MRPL13: variants seen among roughly 807,000 people sequenced by gnomAD.
MRPL13 encodes mitochondrial ribosomal protein L13.
A neutral mutation model predicts 29.0 loss-of-function variants in MRPL13; 33 were observed. The observed-to-expected ratio is 1.14, with a 90% CI of 0.86 to 1.52. The LOEUF is 1.52. MRPL13 is among the 40% of genes most tolerant of loss of function. MRPL13 has a pLI of 0.00. For synonymous variants in MRPL13, 77 were observed against 68.4 expected, an observed-to-expected ratio of 1.13 and a Z score of -0.62; for missense variants, 227 against 216.7, an observed-to-expected ratio of 1.05 and a Z score of -0.30.
rs187808395 is a variant in MRPL13, at chr8:120,435,139, T to C, written c.152-3016A>G. ...GATGAACAAATCCACTTGCTATGTA[T>C]TACATACTTACTAATGCCATGTACC... On this transcript the variant is annotated intron_variant, in intron 2 of 6. Transcript: ENST00000306185. 4.0e-3 allele frequency among the ~76,000 whole-genome samples: 614 copies of C among 152,286 alleles called. 4 individuals carry two copies. Among genetic ancestry groups the C allele is most frequent in the African/African-American group, 0.014 (587 of 41,578 alleles).
At chr8:120,436,984 T>A (rs1343721195) in intron 2 of MRPL13, among the ~76,000 whole-genome samples, 1 of 152,162 alleles carries the variant, frequency 6.6e-6, no homozygotes, top group Non-Finnish European at 1.5e-5. Flanking sequence ...CTGCTGAATG[T>A]ATAGATACTG....
At chr8:120,429,439 A>G (rs1480837753) in intron 3 of MRPL13, among the ~76,000 whole-genome samples, 1 of 151,998 alleles carries the variant, frequency 6.6e-6, no homozygotes. Context: ...ACAAACCCCC[A>G]TGATACAAGT....
intron 5 of MRPL13, among the ~76,000 whole-genome samples, chr8:120,416,566 G>C (rs2130464653): frequency 6.6e-6 from 1 of 152,250 alleles, no homozygotes; most frequent in Non-Finnish European, 1.5e-5. Context: ...GGGGAAATGA[G>C]GGAAAGAACC....
Position 120,413,790 on chromosome 8 carries a change from T to C in MRPL13, c.515+201A>G, listed in dbSNP as rs74598635. Reference sequence around the variant, plus strand: ...GAACCTATGAACATCCTCGCACTTATCTAGCAAGGTCTTAATGCTTAAAAA... The same window carrying C: ...GAACCTATGAACATCCTCGCACTTACCTAGCAAGGTCTTAATGCTTAAAAA... On this transcript the variant is annotated intron_variant, in intron 6 of 6. Transcript: ENST00000306185. 0.019 allele frequency among the ~76,000 whole-genome samples: 2,889 copies of C among 152,248 alleles called. 93 individuals carry two copies. Among genetic ancestry groups the C allele is most frequent in the African/African-American group, 0.066 (2,761 of 41,534 alleles).
At position 120,414,191 on chromosome 8, in the gene MRPL13, T is replaced by A. The variant is rs1182871412; in HGVS notation, c.394-79A>T. On this transcript the variant is annotated intron_variant, in intron 5 of 6. Coordinates refer to ENST00000306185, the MANE Select transcript of MRPL13 (RefSeq NM_014078.6). ...TAAATTACTAATACTTCATAAGTGTTAAAAAAATAAGCAAAAGAATGCTCG... is the reference window on the plus strand; with the variant it reads ...TAAATTACTAATACTTCATAAGTGTAAAAAAAATAAGCAAAAGAATGCTCG... 42 of 800,762 alleles carry A rather than the reference T, an allele frequency of 5.2e-5. No individual in the cohort carries two copies. Among genetic ancestry groups the A allele is most frequent in the Non-Finnish European group, 6.8e-5 (40 of 589,900 alleles). 49.6% of individuals were successfully genotyped at this position (800,762 alleles called of 1,614,324 possible).
rs1048013803 is a variant in MRPL13, at chr8:120,395,487, G to C, written c.*617C>G. The C allele has an allele frequency of 1.3e-5, 2 of 152,400 alleles. No homozygotes were observed. The highest frequency in any genetic ancestry group is 4.8e-5 in the African/African-American group (2 of 41,428). 9.4% of individuals were successfully genotyped at this position (152,400 alleles called of 1,614,324 possible). On this transcript the variant is annotated 3_prime_UTR_variant, in exon 7 of 7. Coordinates refer to ENST00000306185, the MANE Select transcript of MRPL13 (RefSeq NM_014078.6). ...AGGACAGATATGGGAAAACAGTGTG[G>C]AGAGTCTACAAACAGAATCACTGGC...
intron 2 of MRPL13, among the ~76,000 whole-genome samples, chr8:120,439,044 T>G (rs956471736): frequency 1.0e-3 from 154 of 152,248 alleles, no homozygotes; most frequent in African/African-American, 3.4e-3. Flanking sequence ...TGCCTACTTG[T>G]TAAAATTTAT....
In MRPL13 at chr8:120,425,296, A is replaced by C; in HGVS notation, c.306+10T>G. ...CCAAAGATGATTAATAAAAAATACA[A>C]GAAACTTACTGCCACTGGATCCCTC... On this transcript the variant is annotated intron_variant, in intron 4 of 6. Transcript: ENST00000306185. 1 of 1,606,516 alleles carries C rather than the reference A, an allele frequency of 6.2e-7. No individual in the cohort carries two copies. The highest frequency in any genetic ancestry group is 1.1e-5 in the South Asian group (1 of 90,734).
In MRPL13 at chr8:120,440,659, T is replaced by C. The variant is rs201679764; in HGVS notation, c.151+2526A>G. 1.5e-4 allele frequency among the ~76,000 whole-genome samples: 22 copies of C among 149,434 alleles called. No homozygotes were observed. The East Asian group carries it at 4.3e-3, about 29-fold the overall frequency. ...AAAATGTGCTCGGCAGGCAAGTTAATGGAACAGTATAGGTCTGAGTGGATT... is the reference window on the plus strand; with the variant it reads ...AAAATGTGCTCGGCAGGCAAGTTAACGGAACAGTATAGGTCTGAGTGGATT... On this transcript the variant is annotated intron_variant, in intron 2 of 6. Coordinates refer to ENST00000306185, the MANE Select transcript of MRPL13 (RefSeq NM_014078.6).
intron 4 of MRPL13, 38 bp downstream of exon 4, chr8:120,425,267 CT>C: frequency 6.6e-7 from 1 of 1,513,716 alleles, no homozygotes; most frequent in Non-Finnish European, 9.1e-7. Flanking sequence ...CTGAATTGGT[CT>C]TTCCAAAGAT....
intron 2 of MRPL13, among the ~76,000 whole-genome samples, chr8:120,441,657 A>G (rs1813125708): frequency 6.6e-6 from 1 of 152,216 alleles, no homozygotes; most frequent in Admixed American, 6.5e-5. Context: ...GACAATACAT[A>G]AACCTAGGTT....
At chr8:120,417,690 C>T (rs1461574856) in intron 5 of MRPL13, among the ~76,000 whole-genome samples, 1 of 152,040 alleles carries the variant, frequency 6.6e-6, no homozygotes, top group African/African-American at 2.4e-5. Context: ...CTTGATATTG[C>T]TCCATTAGTT....
intron 1 of MRPL13, chr8:120,444,863 A>T: frequency 2.7e-6 from 1 of 374,946 alleles, no homozygotes; most frequent in Non-Finnish European, 5.2e-6. Context: ...AAAAGGGCAG[A>T]TTGAAAAGAA....
intron 2 of MRPL13, among the ~76,000 whole-genome samples, chr8:120,432,714 C>T (rs1040955113): frequency 1.3e-5 from 2 of 151,896 alleles, no homozygotes; most frequent in African/African-American, 2.4e-5. Context: ...ACTATGACTA[C>T]GTAAATATAT....
chr8:120,428,731 A>G (rs1039370265), intron 3 of MRPL13, among the ~76,000 whole-genome samples: 1 of 152,240 alleles, frequency 6.6e-6, no homozygotes, highest in African/African-American at 2.4e-5. Context: ...ATCATGAAAA[A>G]AAGCTCAAAA....
At chr8:120,422,787 T>TAA (rs1237212384) in intron 4 of MRPL13, among the ~76,000 whole-genome samples, 1 of 151,754 alleles carries the variant, frequency 6.6e-6, no homozygotes, top group Non-Finnish European at 1.5e-5. Context: ...CCTGTAAGTC[T>TAA]AAAGTTCAGC....
chr8:120,444,484 A>G (rs1255166733), intron 1 of MRPL13, among the ~76,000 whole-genome samples: 4 of 152,238 alleles, frequency 2.6e-5, no homozygotes, highest in Non-Finnish European at 5.9e-5. Flanking sequence ...ATATTCAGGA[A>G]GTCCTACTGG....
chr8:120,416,258 G>A (rs887399052), intron 5 of MRPL13, among the ~76,000 whole-genome samples: 1 of 152,192 alleles, frequency 6.6e-6, no homozygotes, highest in African/African-American at 2.4e-5. Flanking sequence ...ACTTTGGGAG[G>A]CAGAGGCGGG....
intron 3 of MRPL13, 52 bp from the exon 4 acceptor site, chr8:120,425,418 C>G (rs1299530337): frequency 8.6e-7 from 1 of 1,168,350 alleles, no homozygotes; most frequent in Non-Finnish European, 1.2e-6. Flanking sequence ...ATACTGTATT[C>G]TTAAACTGAT....
Sources: gnomAD v4.1 joint callset for allele counts (sites outside exome capture counted in the v4.1 genomes callset) on GRCh38, gnomAD v4.1.1 for gene constraint, MANE v1.5 for transcripts, NCBI Gene and HGNC (gene_info 2026-07-23, HGNC 2026-07-21) for gene names.